Variants in SH2D4B observed in about 807,000 individuals in gnomAD.
The protein encoded by SH2D4B is SH2 domain-containing protein 4B.
In SH2D4B, 45 loss-of-function variants were observed where a neutral mutation model predicts 61.5. The observed-to-expected ratio is 0.73, with a 90% CI of 0.58 to 0.94. The LOEUF (loss-of-function observed/expected upper bound fraction) is 0.94. Ranked by LOEUF, SH2D4B falls within the 40% of genes least tolerant of loss-of-function variation. The probability of loss-of-function intolerance (pLI) is 0.00; values close to 1 mark genes in which losing one functional copy is unlikely to be tolerated. For missense variants in SH2D4B, 572 were observed against 574.2 expected (o/e 1.00, Z 0.04); for synonymous variants, 224 against 220.4 (o/e 1.02, Z -0.14).
rs1842870953 is a variant in SH2D4B at position 80,634,419 on chromosome 10, G to C, written c.1123G>C (p.Val375Leu). Residue 375 changes from valine to leucine, a missense_variant, in exon 7 of 8, where the codon GTG becomes CTG. Physicochemically the swap from Val to Leu is conservative, Grantham distance 32. Coordinates refer to ENST00000646907, the MANE Select transcript of SH2D4B (RefSeq NM_001388272.1). ...RLQKGFKHFLVDASGDFYSFL... is the reference protein window; with the variant it reads ...RLQKGFKHFLLDASGDFYSFL... ...GCAGAAAGGGTTCAAACACTTTCTT[G>C]TGGATGCTTCTGGGGATTTTTACAG... 7 of 1,550,564 alleles carry C rather than the reference G, an allele frequency of 4.5e-6. No homozygotes were observed. The East Asian group carries it at 1.7e-4, about 38-fold the overall frequency.
intron 3 of SH2D4B, among the ~76,000 whole-genome samples, chr10:80,575,962 C>A (rs12355937): frequency 6.6e-6 from 1 of 152,140 alleles, no homozygotes; most frequent in Non-Finnish European, 1.5e-5. Flanking sequence ...TAAGTCTGTT[C>A]GGGAAGAAAA....
At chr10:80,617,351 A>G (rs565063794) in intron 6 of SH2D4B, among the ~76,000 whole-genome samples, 18 of 152,320 alleles carry the variant, frequency 1.2e-4, no homozygotes, top group African/African-American at 4.1e-4. Context: ...CCACCCTCCT[A>G]TAGAATTCCT....
chr10:80,638,192 AT>A, intron 7 of SH2D4B, among the ~76,000 whole-genome samples: 1 of 152,162 alleles, frequency 6.6e-6, no homozygotes, highest in Admixed American at 6.5e-5. Context: ...GTTTGCCAGT[AT>A]TTTATTGAGG....
At chr10:80,545,872 C>T (rs1841671681) in intron 1 of SH2D4B, among the ~76,000 whole-genome samples, 1 of 152,082 alleles carries the variant, frequency 6.6e-6, no homozygotes, top group Non-Finnish European at 1.5e-5. Flanking sequence ...GTATAGAAAT[C>T]AGAATATATG....
Position 80,634,490 on chromosome 10 carries a change from C to T in SH2D4B, c.1194C>T (p.Leu398=), listed in dbSNP as rs758612703. ...DPNRHATLTD[L]VDFHKEEIIT... is the part of the protein sequence containing the mutation. Reference sequence around the variant, plus strand: ...ATCGCCATGCAACGCTCACGGATCTCGTTGATTTCCATAAGGTATCCCTCA... The same window carrying T: ...ATCGCCATGCAACGCTCACGGATCTTGTTGATTTCCATAAGGTATCCCTCA... The change falls in exon 7 of 8, where the codon CTC becomes CTT. Residue 398 remains leucine, a synonymous_variant. Transcript: ENST00000646907. 8.5e-5 allele frequency: 131 copies of T among 1,549,884 alleles called. 1 individual carries two copies. The highest frequency in any genetic ancestry group is 1.0e-4 in the Non-Finnish European group (115 of 1,146,940).
Position 80,539,619 on chromosome 10 carries a change from A to G in SH2D4B, c.184+1104A>G, listed in dbSNP as rs1237308350. ...CTGGAGTGTTCAGGGATGCTCTTGC[A>G]TAGGGCAGTACTTGCTCCTCTGTGG... is the stretch of plus-strand genomic sequence containing the variant. On this transcript the variant is annotated intron_variant, in intron 1 of 7. Transcript: ENST00000646907. The surrounding 1 kb of genome is among the most constrained non-coding windows in gnomAD (Gnocchi z 4.9). Among the ~76,000 whole-genome samples, 2 of 152,202 alleles carry G rather than the reference A, an allele frequency of 1.3e-5. No homozygotes were observed. The highest frequency in any genetic ancestry group is 2.9e-5 in the Non-Finnish European group (2 of 68,030).
chr10:80,588,554 T>C, intron 3 of SH2D4B, 76 bp from the exon 4 acceptor site: 1 of 1,572,478 alleles, frequency 6.4e-7, no homozygotes, highest in South Asian at 1.2e-5. Flanking sequence ...CACTGCAGAA[T>C]CCCAGAGATA....
At chr10:80,639,617 G>C (rs1273039556) in intron 7 of SH2D4B, among the ~76,000 whole-genome samples, 1 of 151,822 alleles carries the variant, frequency 6.6e-6, no homozygotes, top group African/African-American at 2.4e-5. Context: ...TGCTTTTTTT[G>C]CTTTCCATTT....
intron 3 of SH2D4B, among the ~76,000 whole-genome samples, chr10:80,583,925 A>G (rs1280785334): frequency 6.6e-6 from 1 of 152,220 alleles, no homozygotes. Context: ...TCATATTAAA[A>G]AGTTCAGAAC....
At chr10:80,637,594 A>T (rs1468677594) in intron 7 of SH2D4B, among the ~76,000 whole-genome samples, 2 of 152,072 alleles carry the variant, frequency 1.3e-5, no homozygotes, top group African/African-American at 2.4e-5. Flanking sequence ...TTTGTCTGTT[A>T]TTGGTGTATA....
chr10:80,624,054 C>T (rs183446159), intron 6 of SH2D4B, among the ~76,000 whole-genome samples: 10 of 152,194 alleles, frequency 6.6e-5, no homozygotes, highest in East Asian at 1.9e-4. Flanking sequence ...CTCCCCCAGC[C>T]GTATATTAGG....
intron 3 of SH2D4B, 114 bp from the exon 4 acceptor site, chr10:80,588,516 A>G: frequency 3.8e-6 from 5 of 1,324,006 alleles, no homozygotes; most frequent in South Asian, 1.4e-5. Context: ...GAGGCTGGAG[A>G]GGCCACTGCT....
At chr10:80,577,391 C>T (rs72805720) in intron 3 of SH2D4B, among the ~76,000 whole-genome samples, 3,903 of 151,876 alleles carry the variant, frequency 0.026, 62 homozygotes, top group Middle Eastern at 0.051. Flanking sequence ...GAATCATACA[C>T]AAATAAAATG....
chr10:80,539,300 G>A lies in SH2D4B; in HGVS notation c.184+785G>A, dbSNP rs1254217698. ...TCCTGCCAGGGATTGTAGTTTCTGT[G>A]GATGCTGCATGCACTTTACAGTTTG... On this transcript the variant is annotated intron_variant, in intron 1 of 7. Transcript: ENST00000646907. This position sits in a 1 kb window ranked among gnomAD's most constrained non-coding sequence, Gnocchi z 4.9. Among the ~76,000 whole-genome samples the A allele has an allele frequency of 6.6e-6, 1 of 152,220 alleles. No homozygotes were observed. Among genetic ancestry groups the A allele is most frequent in the Non-Finnish European group, 1.5e-5 (1 of 68,036 alleles).
chr10:80,636,103 C>T (rs1032479944), intron 7 of SH2D4B, among the ~76,000 whole-genome samples: 29 of 152,168 alleles, frequency 1.9e-4, no homozygotes, highest in African/African-American at 7.0e-4. Flanking sequence ...CAGCTTCATC[C>T]ATGTCCCTGC....
chr10:80,643,259 A>G (rs567039501), intron 7 of SH2D4B, among the ~76,000 whole-genome samples: 75 of 145,064 alleles, frequency 5.2e-4, no homozygotes, highest in African/African-American at 1.9e-3. Flanking sequence ...TTTTTTTTTT[A>G]AATAATGCCC....
intron 6 of SH2D4B, among the ~76,000 whole-genome samples, chr10:80,611,937 T>C (rs1842606143): frequency 6.6e-6 from 1 of 152,118 alleles, no homozygotes; most frequent in African/African-American, 2.4e-5. Flanking sequence ...TGGAGCTATT[T>C]TGTGACAGAA....
At chr10:80,638,146 G>A (rs56850932) in intron 7 of SH2D4B, among the ~76,000 whole-genome samples, 5,830 of 145,120 alleles carry the variant, frequency 0.04, 285 homozygotes, top group African/African-American at 0.12. Flanking sequence ...TGACTTGATC[G>A]TGGTGGATAA....
chr10:80,540,950 A>C lies in SH2D4B; in HGVS notation c.184+2435A>C, dbSNP rs192198599. On this transcript the variant is annotated intron_variant, in intron 1 of 7. Transcript: ENST00000646907. ...CAGATGCTGGTGAGACCCCAGCCCC[A>C]GTTGATGTCCAGGCTCTTGAAACTG... The C allele has an allele frequency of 1.2e-4, 171 of 1,479,210 alleles. 1 individual carries two copies. The East Asian group carries it at 3.6e-3, about 31-fold the overall frequency. The allele number at this position is 1,479,210 out of a possible 1,614,324, so 91.6% of individuals were successfully genotyped here. A position where few individuals can be genotyped will look rare whatever the true frequency, so the allele number is the denominator to read the frequency against.
Sources: gnomAD v4.1 joint callset for allele counts (sites outside exome capture counted in the v4.1 genomes callset) on GRCh38, gnomAD v4.1.1 for gene constraint, Gnocchi (gnomAD v3.1) non-coding constraint, MANE v1.5 for transcripts, NCBI Gene and HGNC (gene_info 2026-07-23, HGNC 2026-07-21) for gene names.